DDX21: variants seen among roughly 807,000 people sequenced by gnomAD.
DDX21 encodes the protein nucleolar RNA helicase 2.
DDX21 carries 18 observed loss-of-function variants against 90.0 expected under a neutral mutation model. That is an observed-to-expected ratio of 0.20 (90% CI 0.14 to 0.30). The LOEUF (loss-of-function observed/expected upper bound fraction) is 0.30, where lower values mean the gene tolerates loss of function less well. Ranked by LOEUF, DDX21 falls within the 10% of genes least tolerant of loss-of-function variation. The probability of loss-of-function intolerance (pLI) is 1.00; values close to 1 mark genes in which losing one functional copy is unlikely to be tolerated. For missense variants in DDX21, 673 were observed against 944.5 expected (o/e 0.71, Z 3.77); for synonymous variants, 294 against 318.0 (o/e 0.92, Z 0.80).
intron 4 of DDX21, chr10:68,964,247 C>T (rs1842910281): frequency 2.3e-5 from 6 of 263,672 alleles, no homozygotes; most frequent in Non-Finnish European, 4.6e-5. Flanking sequence ...ATTGAAATGA[C>T]TGCGAATGCC....
Position 68,982,731 on chromosome 10 carries a change from G to T in DDX21, c.2271G>T (p.Gln757His). The change falls in exon 15 of 15, where the codon CAG becomes CAT. Residue 757 changes from glutamine (Q) to histidine (H), a missense_variant. Gln to His is a conservative substitution (Grantham distance 24). Transcript: ENST00000354185. ...QREGSRGPRG[Q>H]RSGGGNKSNR... ...AAGGCAGTAGAGGCCCGAGAGGACA[G>T]CGATCAGGAGGTGGCAACAAAAGTA... 1.2e-6 allele frequency: 2 copies of T among 1,614,200 alleles called. No homozygotes were observed. Among genetic ancestry groups the T allele is most frequent in the Non-Finnish European group, 1.7e-6 (2 of 1,180,048 alleles).
At chr10:68,973,511 G>C (rs776743193) in intron 9 of DDX21, 34 bp from the exon 10 acceptor site, 6 of 1,612,526 alleles carry the variant, frequency 3.7e-6, no homozygotes. Flanking sequence ...TCTCTTTTTT[G>C]GTTTAGTGTT....
rs938816389 is a variant in DDX21 at position 68,960,057 on chromosome 10, A to C, written c.339A>C (p.Lys113Asn). 3.1e-6 allele frequency: 5 copies of C among 1,604,702 alleles called. No homozygotes were observed. In the African/African-American group the frequency reaches 6.8e-5, roughly 22 times the overall value. ...EKKVVSSKTKKVTKNEEPSEE... is the reference protein window; with the variant it reads ...EKKVVSSKTKNVTKNEEPSEE... ...AAGTGGTTTCTTCTAAAACCAAAAAAGTGACAAAAAATGAGGAGCCTTCTG... is the reference window on the plus strand; with the variant it reads ...AAGTGGTTTCTTCTAAAACCAAAAACGTGACAAAAAATGAGGAGCCTTCTG... Residue 113 changes from lysine to asparagine, a missense_variant, in exon 2 of 15, where the codon AAA becomes AAC. By Grantham distance (94) the Lys-to-Asn change is moderately conservative. This residue lies in a region of DDX21 where 204 missense variants were observed against 221.6 expected (regional missense o/e 0.92). Transcript: ENST00000354185.
intron 1 of DDX21, chr10:68,956,514 G>C: frequency 7.0e-7 from 1 of 1,426,584 alleles, no homozygotes; most frequent in Non-Finnish European, 9.2e-7. Context: ...GACCGAGCCA[G>C]GTCCGCCGTG....
At chr10:68,959,348 G>A (rs572149266) in intron 1 of DDX21, among the ~76,000 whole-genome samples, 2 of 152,076 alleles carry the variant, frequency 1.3e-5, no homozygotes, top group Admixed American at 6.6e-5. Flanking sequence ...ACAAAAATTC[G>A]CTGGGTGTGG....
rs567375908 is a variant in DDX21, at chr10:68,983,957, G to C, written c.*1145G>C. On this transcript the variant is annotated 3_prime_UTR_variant, in exon 15 of 15. Coordinates refer to ENST00000354185, the MANE Select transcript of DDX21 (RefSeq NM_004728.4). ...CTGTTAAACTGAATGTCTGTTGAAAGTTTGTTTTAGCTGCTTGGAGGCTTC... is the reference window on the plus strand; with the variant it reads ...CTGTTAAACTGAATGTCTGTTGAAACTTTGTTTTAGCTGCTTGGAGGCTTC... The C allele has an allele frequency of 6.6e-6, 1 of 152,318 alleles. No homozygotes were observed. Among genetic ancestry groups the C allele is most frequent in the South Asian group, 2.1e-4 (1 of 4,826 alleles). The allele number at this position is 152,318 out of a possible 1,614,324, so 9.4% of individuals were successfully genotyped here.
intron 1 of DDX21, chr10:68,956,514 G>A: frequency 7.0e-7 from 1 of 1,426,584 alleles, no homozygotes; most frequent in South Asian, 1.4e-5. Flanking sequence ...GACCGAGCCA[G>A]GTCCGCCGTG....
At chr10:68,974,825 T>TA (rs200048666) in intron 11 of DDX21, 82 bp downstream of exon 11, 307 of 1,242,816 alleles carry the variant, frequency 2.5e-4, no homozygotes, top group Admixed American at 3.6e-4. Context: ...AGATTTGACT[T>TA]AAAAAAATTT....
At chr10:68,979,124 C>G in intron 13 of DDX21, 148 bp downstream of exon 13, 1 of 1,113,948 alleles carries the variant, frequency 9.0e-7, no homozygotes, top group East Asian at 2.4e-5. Flanking sequence ...TCCTCAGATG[C>G]CACTCTGCCA....
At chr10:68,978,313 A>G (rs1843135233) in intron 12 of DDX21, among the ~76,000 whole-genome samples, 1 of 152,176 alleles carries the variant, frequency 6.6e-6, no homozygotes, top group African/African-American at 2.4e-5. Context: ...GAATGGTTGC[A>G]GATCTTACAA....
chr10:68,956,661 G>C (rs1589280679), intron 1 of DDX21: 1 of 1,118,990 alleles, frequency 8.9e-7, no homozygotes, highest in East Asian at 5.9e-5. Context: ...AGTGCGCAGA[G>C]TTGGACCTTC....
chr10:68,972,101 T>G, intron 9 of DDX21, 49 bp downstream of exon 9: 3 of 1,562,028 alleles, frequency 1.9e-6, no homozygotes, highest in Non-Finnish European at 2.6e-6. Context: ...TTTTTGGGTA[T>G]TAAAACAAAT....
At chr10:68,963,985 AACT>A in intron 4 of DDX21, 1 of 251,730 alleles carries the variant, frequency 4.0e-6, no homozygotes, top group Non-Finnish European at 8.0e-6. Flanking sequence ...GTGTAGTCCC[AACT>A]ACTTGGGAGG....
intron 4 of DDX21, among the ~76,000 whole-genome samples, chr10:68,964,955 T>TTA (rs573532275): frequency 1.3e-5 from 2 of 151,952 alleles, no homozygotes; most frequent in African/African-American, 4.8e-5. Flanking sequence ...GTTTCATGTT[T>TTA]TATATATATA....
rs150967387 is a variant in DDX21 at position 68,970,264 on chromosome 10, T to C, written c.1300T>C (p.Tyr434His). 1,049 of 1,614,116 alleles carry C rather than the reference T, an allele frequency of 6.5e-4. 3 individuals carry two copies. Among genetic ancestry groups the C allele is most frequent in the Non-Finnish European group, 7.3e-4 (863 of 1,179,984 alleles). Residue 434 changes from tyrosine to histidine, a missense_variant, in exon 8 of 15, where the codon TAT becomes CAT. Tyr to His is a moderately conservative substitution (Grantham distance 83). Around this residue, in one of 4 missense-constraint regions of DDX21, gnomAD observed 218 missense variants for 347.3 expected, o/e 0.63. Coordinates refer to ENST00000354185, the MANE Select transcript of DDX21 (RefSeq NM_004728.4). ...AGTTATTGGGGATGTCATCCGAGTA[T>C]ATAGTGGTCATCAAGGACGCACTAT... ...AAVIGDVIRV[Y>H]SGHQGRTIIF...
In DDX21 at chr10:68,970,485, C is replaced by CTTT. The variant is rs35874790; in HGVS notation, c.1386+151_1386+153dup. ...TTAGTTTAGAAATGAGAGGAAGCTACTTTTTTTTTTTTTTTTTTAATTGAG... is the reference window on the plus strand; with the variant it reads ...TTAGTTTAGAAATGAGAGGAAGCTACTTTTTTTTTTTTTTTTTTTTTAATTGAG... On this transcript the variant is annotated intron_variant, in intron 8 of 14. Transcript: ENST00000354185. The CTTT allele has an allele frequency of 0.014, 7,595 of 529,484 alleles. 495 individuals are homozygous for CTTT. In the African/African-American group the frequency reaches 0.15, roughly 10 times the overall value. 32.8% of individuals were successfully genotyped at this position (529,484 alleles called of 1,614,324 possible).
chr10:68,982,741 G>T lies in DDX21; in HGVS notation c.2281G>T (p.Gly761Cys). 2 of 1,614,114 alleles carry T rather than the reference G, an allele frequency of 1.2e-6. No homozygotes were observed. The highest frequency in any genetic ancestry group is 1.7e-6 in the Non-Finnish European group (2 of 1,180,032). ...SRGPRGQRSGGGNKSNRSQNK... is the reference protein window; with the variant it reads ...SRGPRGQRSGCGNKSNRSQNK... The stretch of plus-strand genomic sequence containing the variant: ...AGGCCCGAGAGGACAGCGATCAGGA[G>T]GTGGCAACAAAAGTAACAGATCCCA... Residue 761 changes from glycine to cysteine, a missense_variant, in exon 15 of 15, where the codon GGT (glycine) becomes TGT (cysteine). Physicochemically the swap from Gly to Cys is radical, Grantham distance 159 (BLOSUM62 -3). Around this residue, in one of 4 missense-constraint regions of DDX21, gnomAD observed 225 missense variants for 298.8 expected, o/e 0.75. Transcript: ENST00000354185.
intron 13 of DDX21, among the ~76,000 whole-genome samples, chr10:68,979,403 C>T (rs1173053626): frequency 6.6e-6 from 1 of 152,198 alleles, no homozygotes; most frequent in Non-Finnish European, 1.5e-5. Context: ...CAAGGATTCT[C>T]AAACATTTTG....
chr10:68,982,444 CCTTTT>C, intron 14 of DDX21, 94 bp from the exon 15 acceptor site: 1 of 1,468,822 alleles, frequency 6.8e-7, no homozygotes, highest in Non-Finnish European at 9.1e-7. Context: ...TATGTTATCA[CCTTTT>C]CTTTGAAGAA....
Sources: allele counts gnomAD v4.1 joint callset (sites outside exome capture counted in the v4.1 genomes callset), GRCh38; gene constraint gnomAD v4.1.1; regional missense constraint gnomAD v4.1.1; transcripts MANE v1.5; gene names NCBI Gene and HGNC (gene_info 2026-07-23, HGNC 2026-07-21).